Variants in UBA6 observed in about 807,000 individuals in gnomAD.
UBA6 encodes the protein ubiquitin-like modifier-activating enzyme 6.
Under a neutral mutation model 148.3 loss-of-function variants are expected in UBA6, and 87 were observed. The ratio of observed to expected loss-of-function variants is 0.59; its 90% CI spans 0.49 to 0.70. The LOEUF is 0.70. Ranked by LOEUF, UBA6 falls within the 30% of genes least tolerant of loss-of-function variation. The pLI, the probability that UBA6 is intolerant of heterozygous loss-of-function variation, is 0.00. For synonymous variants in UBA6, 376 were observed against 401.0 expected, an observed-to-expected ratio of 0.94 and a Z score of 0.75; for missense variants, 1,186 against 1,241.2, an observed-to-expected ratio of 0.96 and a Z score of 0.67.
chr4:67,652,917 T>TCAGA (rs753676964), intron 13 of UBA6, among the ~76,000 whole-genome samples: 1 of 152,228 alleles, frequency 6.6e-6, no homozygotes, highest in Non-Finnish European at 1.5e-5. Context: ...GGAGCCTTGC[T>TCAGA]CACTGCTAGC....
At chr4:67,699,135 A>G (rs1730910600) in intron 1 of UBA6, among the ~76,000 whole-genome samples, 1 of 152,200 alleles carries the variant, frequency 6.6e-6, no homozygotes, top group Admixed American at 6.5e-5. Flanking sequence ...TATCTGTACT[A>G]AACACTGGCA....
In UBA6 at chr4:67,626,346, A is replaced by G. The variant is rs750654246; in HGVS notation, c.2518+14T>C. 10 of 1,550,202 alleles carry G rather than the reference A, an allele frequency of 6.5e-6. No homozygotes were observed. Among genetic ancestry groups the G allele is most frequent in the Non-Finnish European group, 8.0e-6 (9 of 1,124,186 alleles). ...CATCCAGTTCAAAACATTTTTATAA[A>G]GATTTTCCCTTACTTTTGGTGGCTT... On this transcript the variant is annotated intron_variant, in intron 28 of 32. Coordinates refer to ENST00000322244, the MANE Select transcript of UBA6 (RefSeq NM_018227.6).
chr4:67,639,074 T>C lies in UBA6; in HGVS notation c.1605A>G (p.Gln535=), dbSNP rs766141706. 3 of 1,613,568 alleles carry C rather than the reference T, an allele frequency of 1.9e-6. No homozygotes were observed. Among genetic ancestry groups the C allele is most frequent in the South Asian group, 1.1e-5 (1 of 91,034 alleles). The change falls in exon 19 of 33, where the codon CAA becomes CAG. Residue 535 remains glutamine (Q), a synonymous_variant. Coordinates refer to ENST00000322244, the MANE Select transcript of UBA6 (RefSeq NM_018227.6). ...TGTTCAGGTGTGCATCTATCTTTATTTGAGAATTTATTTTCAGAGTAGCAT... is the reference window on the plus strand; with the variant it reads ...TGTTCAGGTGTGCATCTATCTTTATCTGAGAATTTATTTTCAGAGTAGCAT... The part of the protein sequence containing the change: ...AADATLKINS[Q]IKIDAHLNKV...
chr4:67,692,510 G>A (rs947092822), intron 2 of UBA6, among the ~76,000 whole-genome samples: 2 of 152,046 alleles, frequency 1.3e-5, no homozygotes, highest in East Asian at 1.9e-4. Context: ...AAACACCAGC[G>A]GCCAGTCCTC....
intron 32 of UBA6, among the ~76,000 whole-genome samples, chr4:67,620,396 G>T (rs1728725566): frequency 6.6e-6 from 1 of 152,108 alleles, no homozygotes; most frequent in Non-Finnish European, 1.5e-5. Flanking sequence ...GTCTGAGTTA[G>T]CACAATACTC....
chr4:67,672,171 T>C (rs1002793697), intron 7 of UBA6, among the ~76,000 whole-genome samples: 1 of 152,204 alleles, frequency 6.6e-6, no homozygotes, highest in Non-Finnish European at 1.5e-5. Context: ...TTATCTTTCA[T>C]GACTTCTTCA....
At chr4:67,644,892 A>G (rs1729387999) in intron 16 of UBA6, 114 bp from the exon 17 acceptor site, 1 of 551,372 alleles carries the variant, frequency 1.8e-6, no homozygotes, top group Admixed American at 3.2e-5. Flanking sequence ...AAAAAAAAGT[A>G]TAAACCAAAT....
At chr4:67,661,061 C>T (rs1183825075) in intron 13 of UBA6, among the ~76,000 whole-genome samples, 1 of 152,074 alleles carries the variant, frequency 6.6e-6, no homozygotes, top group Non-Finnish European at 1.5e-5. Flanking sequence ...ATGTCTGTAC[C>T]CTCACTGTAT....
chr4:67,647,693 ATTTGAACATGAACAAATGG>A (rs983949834), intron 14 of UBA6, among the ~76,000 whole-genome samples: 1 of 151,914 alleles, frequency 6.6e-6, no homozygotes. Flanking sequence ...GTGTGGCTAA[ATTTGAACATGAACAAATGG>A]TTATTTATTT....
Position 67,616,517 on chromosome 4 carries a change from G to A in UBA6, c.*2480C>T, listed in dbSNP as rs941143259. 1 of 171,666 alleles carries A rather than the reference G, an allele frequency of 5.8e-6. No homozygotes were observed. Among genetic ancestry groups the A allele is most frequent in the African/African-American group, 2.4e-5 (1 of 42,472 alleles). The allele number at this position is 171,666 out of a possible 1,614,324, so 10.6% of individuals were successfully genotyped here. On this transcript the variant is annotated 3_prime_UTR_variant, in exon 33 of 33. Coordinates refer to ENST00000322244, the MANE Select transcript of UBA6 (RefSeq NM_018227.6). ...TATGGACAAGTAACAGAACTGCTTTGAACTCTAAAAAGAAATGGACTTTAC... is the reference window on the plus strand; with the variant it reads ...TATGGACAAGTAACAGAACTGCTTTAAACTCTAAAAAGAAATGGACTTTAC...
intron 1 of UBA6, among the ~76,000 whole-genome samples, chr4:67,698,940 A>T (rs1438526278): frequency 6.6e-6 from 1 of 152,206 alleles, no homozygotes; most frequent in Non-Finnish European, 1.5e-5. Context: ...AGCCTGGGTG[A>T]CAAGAGCAAG....
chr4:67,661,574 G>A (rs1211143048), intron 13 of UBA6: 1 of 152,224 alleles, frequency 6.6e-6, no homozygotes, highest in Non-Finnish European at 1.5e-5. Flanking sequence ...CCCGCCTCAG[G>A]ATTTCTTCAT....
chr4:67,652,387 T>C (rs1221916589), intron 13 of UBA6, among the ~76,000 whole-genome samples: 3 of 152,160 alleles, frequency 2.0e-5, no homozygotes, highest in African/African-American at 7.2e-5. Flanking sequence ...CAAAATGAGA[T>C]ACTACCACAC....
At chr4:67,681,065 T>C (rs1161669893) in intron 4 of UBA6, among the ~76,000 whole-genome samples, 4 of 152,140 alleles carry the variant, frequency 2.6e-5, no homozygotes. Context: ...ACCAGAGTCA[T>C]GCCCGAATCC....
chr4:67,688,807 C>T (rs953795720), intron 2 of UBA6, among the ~76,000 whole-genome samples: 15 of 151,802 alleles, frequency 9.9e-5, no homozygotes, highest in Admixed American at 2.0e-4. Flanking sequence ...TGAAAGGTTT[C>T]GTTTTATAGG....
At chr4:67,696,988 T>C (rs1445364006) in intron 1 of UBA6, among the ~76,000 whole-genome samples, 2 of 152,008 alleles carry the variant, frequency 1.3e-5, no homozygotes, top group Non-Finnish European at 2.9e-5. Context: ...ATATATTTTG[T>C]TGTTGTTGTT....
chr4:67,638,265 A>C (rs1729219583), intron 19 of UBA6: 1 of 154,348 alleles, frequency 6.5e-6, no homozygotes, highest in Non-Finnish European at 1.5e-5. Context: ...AAGTGCCAAG[A>C]AGACAGACTT....
chr4:67,645,359 G>A lies in UBA6; in HGVS notation c.1395+579C>T, dbSNP rs371170086. Among the ~76,000 whole-genome samples, 46 of 152,306 alleles carry A rather than the reference G, an allele frequency of 3.0e-4. No individual in the cohort carries two copies. In the East Asian group the frequency reaches 5.6e-3, roughly 19 times the overall value. On this transcript the variant is annotated intron_variant, in intron 16 of 32. Transcript: ENST00000322244. ...CTCACACCTGTAATCCCAGCACTTT[G>A]GGAAGCTGAGGAGAGTGGATCATGA...
In UBA6 at chr4:67,618,924, T is replaced by C; in HGVS notation, c.*73A>G. On this transcript the variant is annotated 3_prime_UTR_variant, in exon 33 of 33. Coordinates refer to ENST00000322244, the MANE Select transcript of UBA6 (RefSeq NM_018227.6). ...AAATCCATAGTATTATGAACTGATT[T>C]TCTTTAGCTTCTGAATTAAGTGCAC... 3 of 1,466,174 alleles carry C rather than the reference T, an allele frequency of 2.0e-6. No individual in the cohort carries two copies. The highest frequency in any genetic ancestry group is 2.8e-6 in the Non-Finnish European group (3 of 1,072,864). The allele number at this position is 1,466,174 out of a possible 1,614,324, so 90.8% of individuals were successfully genotyped here.
Sources: allele counts gnomAD v4.1 joint callset (sites outside exome capture counted in the v4.1 genomes callset), GRCh38; gene constraint gnomAD v4.1.1; transcripts MANE v1.5; gene names NCBI Gene and HGNC (gene_info 2026-07-23, HGNC 2026-07-21).